GPBP1L1: variants seen among roughly 807,000 people sequenced by gnomAD.
GPBP1L1 encodes GC-rich promoter binding protein 1 like 1, also known as vasculin-like protein 1.
In GPBP1L1, 23 loss-of-function variants were observed where a neutral mutation model predicts 52.5. The ratio of observed to expected loss-of-function variants is 0.44; its 90% CI spans 0.32 to 0.62. The LOEUF (loss-of-function observed/expected upper bound fraction) is 0.62, where lower values mean the gene tolerates loss of function less well. Among genes scored for constraint, GPBP1L1 ranks in the 20% least tolerant of loss-of-function variants. GPBP1L1 has a pLI of 0.06. For synonymous variants in GPBP1L1, 243 were observed against 203.1 expected (o/e 1.20, Z -1.67); for missense variants, 596 against 579.3 (o/e 1.03, Z -0.30).
intron 7 of GPBP1L1, among the ~76,000 whole-genome samples, chr1:45,640,730 C>T (rs563053249): frequency 1.3e-5 from 2 of 152,298 alleles, no homozygotes; most frequent in South Asian, 4.1e-4. Flanking sequence ...ATCCAAGCGC[C>T]AGGCACTGTG....
chr1:45,682,670 TAACAG>T (rs1183185177), intron 2 of GPBP1L1, among the ~76,000 whole-genome samples: 1 of 152,218 alleles, frequency 6.6e-6, no homozygotes, highest in Non-Finnish European at 1.5e-5. Context: ...ATGATTCAGC[TAACAG>T]ATCAATTATT....
intron 2 of GPBP1L1, among the ~76,000 whole-genome samples, chr1:45,685,040 T>G (rs571028483): frequency 1.3e-5 from 2 of 152,134 alleles, no homozygotes; most frequent in East Asian, 1.9e-4. Context: ...CTATGACTTT[T>G]TGTTTAAACT....
At chr1:45,634,009 G>C (rs956354933) in intron 9 of GPBP1L1, 87 bp downstream of exon 9, 6 of 1,309,582 alleles carry the variant, frequency 4.6e-6, no homozygotes, top group Non-Finnish European at 6.3e-6. Flanking sequence ...CAAAACAAGT[G>C]TCACAGCTAT....
intron 2 of GPBP1L1, among the ~76,000 whole-genome samples, chr1:45,662,765 T>C (rs1644961374): frequency 6.6e-6 from 1 of 152,062 alleles, no homozygotes; most frequent in Non-Finnish European, 1.5e-5. Flanking sequence ...CTTAAAAGAA[T>C]ATTAGGCCGG....
intron 10 of GPBP1L1, among the ~76,000 whole-genome samples, chr1:45,633,003 A>G (rs1313347026): frequency 6.6e-6 from 1 of 152,240 alleles, no homozygotes; most frequent in Non-Finnish European, 1.5e-5. Flanking sequence ...CAGAACACTG[A>G]TAATATCGAA....
chr1:45,629,454 T>TTTTCCCC, intron 12 of GPBP1L1, 122 bp downstream of exon 12: 1 of 115,396 alleles, frequency 8.7e-6, no homozygotes. Context: ...ACTAAGGTAA[T>TTTTCCCC]CCCCCCCCCC....
chr1:45,641,077 T>G (rs749767889), intron 7 of GPBP1L1, among the ~76,000 whole-genome samples: 4 of 151,410 alleles, frequency 2.6e-5, no homozygotes, highest in Admixed American at 6.6e-5. Flanking sequence ...AGCATGAGAA[T>G]AGAGAGATGA....
intron 4 of GPBP1L1, 98 bp from the exon 5 acceptor site, chr1:45,655,417 A>ATAATGG (rs1276209219): frequency 1.6e-5 from 21 of 1,321,364 alleles, no homozygotes; most frequent in Non-Finnish European, 2.1e-5. Context: ...AAAACAAGTA[A>ATAATGG]TAATGGTGAT....
intron 12 of GPBP1L1, 148 bp from the exon 13 acceptor site, chr1:45,628,556 A>T: frequency 1.7e-6 from 1 of 583,552 alleles, no homozygotes; most frequent in South Asian, 3.0e-5. Flanking sequence ...GAGATCTCTT[A>T]TACCAGTACT....
Position 45,629,985 on chromosome 1 carries a change from C to CT in GPBP1L1, c.1170-308dup, listed in dbSNP as rs1429212370. On this transcript the variant is annotated intron_variant, in intron 11 of 12. Coordinates refer to ENST00000355105, the MANE Select transcript of GPBP1L1 (RefSeq NM_021639.5). ...TTTTTTTTTGGGATGGAGTCTCACT[C>CT]TGTCACCCAGGCTGAAGTGCAGTGG... Among the ~76,000 whole-genome samples, 14 of 151,286 alleles carry CT rather than the reference C, an allele frequency of 9.3e-5. No homozygotes were observed. The East Asian group carries it at 2.7e-3, about 29-fold the overall frequency.
At chr1:45,630,052 G>A (rs961261857) in intron 11 of GPBP1L1, among the ~76,000 whole-genome samples, 3 of 151,812 alleles carry the variant, frequency 2.0e-5, no homozygotes, top group Non-Finnish European at 2.9e-5. Flanking sequence ...CCGGGTTCAA[G>A]CCATTCTCCC....
At chr1:45,649,626 T>C (rs1644796354) in intron 6 of GPBP1L1, among the ~76,000 whole-genome samples, 1 of 152,134 alleles carries the variant, frequency 6.6e-6, no homozygotes. Context: ...CTCAGTGCCA[T>C]CATATCAGGA....
chr1:45,676,976 G>C (rs991128455), intron 2 of GPBP1L1, among the ~76,000 whole-genome samples: 1 of 151,794 alleles, frequency 6.6e-6, no homozygotes, highest in African/African-American at 2.4e-5. Context: ...GATCACTTGA[G>C]CCCAGGAGTT....
At chr1:45,665,597 C>A (rs1272836097) in intron 2 of GPBP1L1, among the ~76,000 whole-genome samples, 2 of 151,498 alleles carry the variant, frequency 1.3e-5, no homozygotes, top group Admixed American at 6.6e-5. Flanking sequence ...AAAAACTAGC[C>A]GGGTGTGGTG....
intron 2 of GPBP1L1, among the ~76,000 whole-genome samples, chr1:45,678,741 G>C (rs931728610): frequency 4.6e-5 from 7 of 152,178 alleles, no homozygotes; most frequent in African/African-American, 9.7e-5. Flanking sequence ...ACAAGGTCCT[G>C]AATCAGATAA....
chr1:45,686,051 G>GAA (rs766906373), intron 1 of GPBP1L1, among the ~76,000 whole-genome samples: 1 of 152,160 alleles, frequency 6.6e-6, no homozygotes, highest in South Asian at 2.1e-4. Flanking sequence ...AAGAAGGAAA[G>GAA]AAAAAAACCC....
chr1:45,667,243 T>C (rs1645021669), intron 2 of GPBP1L1, among the ~76,000 whole-genome samples: 1 of 152,186 alleles, frequency 6.6e-6, no homozygotes, highest in South Asian at 2.1e-4. Context: ...TCAATGTTAA[T>C]ATTAAATACA....
At chr1:45,675,618 T>G (rs566545803) in intron 2 of GPBP1L1, among the ~76,000 whole-genome samples, 162 of 152,312 alleles carry the variant, frequency 1.1e-3, no homozygotes, top group African/African-American at 3.7e-3. Flanking sequence ...TACGGCTCAT[T>G]ACAGTTGACC....
chr1:45,634,007 G>A (rs1644563161), intron 9 of GPBP1L1, 89 bp downstream of exon 9: 1 of 1,292,188 alleles, frequency 7.7e-7, no homozygotes, highest in Admixed American at 2.3e-5. Flanking sequence ...TACAAAACAA[G>A]TGTCACAGCT....
Sources: gnomAD v4.1 joint callset for allele counts (sites outside exome capture counted in the v4.1 genomes callset) on GRCh38, gnomAD v4.1.1 for gene constraint, MANE v1.5 for transcripts, NCBI Gene and HGNC (gene_info 2026-07-23, HGNC 2026-07-21) for gene names.